Variants in CHD9 observed in about 807,000 individuals in gnomAD.
CHD9 encodes ATP-dependent chromatin remodeler CHD9.
A neutral mutation model predicts 316.1 loss-of-function variants in CHD9; 77 were observed. The ratio of observed to expected loss-of-function variants is 0.24; its 90% CI spans 0.20 to 0.29. The LOEUF (loss-of-function observed/expected upper bound fraction) is 0.29. Ranked by LOEUF, CHD9 falls within the 10% of genes least tolerant of loss-of-function variation. The pLI is 1.00. For synonymous variants in CHD9, 1,129 were observed against 1,158.3 expected (o/e 0.97, Z 0.51); for missense variants, 2,763 against 3,438.1 (o/e 0.80, Z 4.91).
At chr16:53,272,208 C>T (rs1232819315) in intron 22 of CHD9, among the ~76,000 whole-genome samples, 3 of 149,834 alleles carry the variant, frequency 2.0e-5, no homozygotes, top group African/African-American at 7.4e-5. Flanking sequence ...TAACATAGAA[C>T]AAAGTGAATT....
intron 1 of CHD9, 142 bp from the exon 2 acceptor site, chr16:53,155,784 T>C (rs886182317): frequency 1.0e-5 from 3 of 289,462 alleles, no homozygotes; most frequent in Non-Finnish European, 1.9e-5. Context: ...ACTTTTGACA[T>C]TTTATATAAA....
At chr16:53,079,582 A>T (rs969080060) in intron 1 of CHD9, among the ~76,000 whole-genome samples, 1 of 152,088 alleles carries the variant, frequency 6.6e-6, no homozygotes, top group Non-Finnish European at 1.5e-5. Flanking sequence ...ATTATACCTC[A>T]GTTTATGTTA....
chr16:53,142,765 A>G (rs2040221147), intron 1 of CHD9, among the ~76,000 whole-genome samples: 1 of 152,272 alleles, frequency 6.6e-6, no homozygotes, highest in African/African-American at 2.4e-5. Context: ...TTTTCTAATT[A>G]AACAGTCAAA....
chr16:53,248,524 T>G (rs2049855870), intron 16 of CHD9, among the ~76,000 whole-genome samples: 1 of 78,086 alleles, frequency 1.3e-5, no homozygotes, highest in Non-Finnish European at 2.9e-5. Flanking sequence ...GTTTTTTTTT[T>G]TGTTTTTTTT....
chr16:53,286,373 T>C (rs1461872089), intron 26 of CHD9, 30 bp downstream of exon 26: 1 of 1,144,596 alleles, frequency 8.7e-7, no homozygotes, highest in Non-Finnish European at 1.3e-6. Context: ...ATGAATTTTC[T>C]ATATATCTCT....
chr16:53,108,323 G>A (rs1311549448), intron 1 of CHD9, among the ~76,000 whole-genome samples: 1 of 146,340 alleles, frequency 6.8e-6, no homozygotes, highest in Non-Finnish European at 1.5e-5. Context: ...GCAACATGTT[G>A]AAACCCCATC....
In CHD9 at chr16:53,271,296, C is replaced by T. The variant is rs138576366; in HGVS notation, c.4718-2330C>T. Among the ~76,000 whole-genome samples the T allele has an allele frequency of 2.8e-4, 43 of 152,120 alleles. 2 individuals carry two copies. Among genetic ancestry groups the T allele is most frequent in the African/African-American group, 9.6e-4 (40 of 41,542 alleles). ...GAGACAAAAAACCATTGGCTGGGCA[C>T]GGTGGCTCACCCCTGTAATCCCAAC... On this transcript the variant is annotated intron_variant, in intron 22 of 38. Coordinates refer to ENST00000447540, the MANE Select transcript of CHD9 (RefSeq NM_001308319.2).
chr16:53,313,999 A>G (rs1011862359), intron 34 of CHD9, among the ~76,000 whole-genome samples: 3 of 152,076 alleles, frequency 2.0e-5, no homozygotes, highest in African/African-American at 7.2e-5. Flanking sequence ...AGAAAAAGAT[A>G]TTTGGCACAA....
At chr16:53,297,498 T>G (rs1229225470) in intron 30 of CHD9, among the ~76,000 whole-genome samples, 2 of 152,214 alleles carry the variant, frequency 1.3e-5, no homozygotes. Flanking sequence ...GGAATTGTGC[T>G]AGAGGGTTTA....
chr16:53,211,079 G>A (rs774779910), intron 3 of CHD9, among the ~76,000 whole-genome samples: 3 of 151,854 alleles, frequency 2.0e-5, no homozygotes, highest in African/African-American at 7.3e-5. Flanking sequence ...TATAATTAAG[G>A]GTTTCCAGTT....
At chr16:53,115,046 T>C (rs1034936370) in intron 1 of CHD9, among the ~76,000 whole-genome samples, 2 of 152,250 alleles carry the variant, frequency 1.3e-5, no homozygotes, top group African/African-American at 4.8e-5. Flanking sequence ...CCCTTTAGTT[T>C]GAGGTTTTCA....
intron 1 of CHD9, among the ~76,000 whole-genome samples, chr16:53,107,099 T>A (rs978066491): frequency 5.3e-5 from 8 of 152,112 alleles, no homozygotes; most frequent in African/African-American, 1.9e-4. Context: ...ATTGATAAAA[T>A]TTTCAACAGC....
Position 53,306,365 on chromosome 16 carries a change from G to C in CHD9, c.6748G>C (p.Gly2250Arg). 6.2e-7 allele frequency: 1 copy of C among 1,600,674 alleles called. No individual in the cohort carries two copies. Among genetic ancestry groups the C allele is most frequent in the Non-Finnish European group, 8.5e-7 (1 of 1,175,338 alleles). Residue 2250 changes from glycine to arginine, a missense_variant, in exon 32 of 39, where the codon GGA (glycine) becomes CGA (arginine). By Grantham distance (125) the Gly-to-Arg change is moderately radical (BLOSUM62 -2). Coordinates refer to ENST00000447540, the MANE Select transcript of CHD9 (RefSeq NM_001308319.2). ...TPESAYILQG[G>R]YMLAASYWPK... The stretch of plus-strand genomic sequence containing the variant: ...AGAGTCTGCTTATATCTTACAAGGT[G>C]GATATATGCTGGCAGCCTCGTATTG...
intron 24 of CHD9, among the ~76,000 whole-genome samples, chr16:53,279,763 C>G (rs2153029742): frequency 6.6e-6 from 1 of 152,170 alleles, no homozygotes; most frequent in African/African-American, 2.4e-5. Flanking sequence ...AAAAAATCTT[C>G]ATAATCTGTA....
intron 34 of CHD9, among the ~76,000 whole-genome samples, chr16:53,309,884 G>A (rs2056317989): frequency 6.6e-6 from 1 of 152,182 alleles, no homozygotes; most frequent in South Asian, 2.1e-4. Flanking sequence ...GATTAACTGA[G>A]TCTTAATGCG....
intron 31 of CHD9, 21 bp from the exon 32 acceptor site, chr16:53,306,216 G>A (rs771443485): frequency 2.1e-6 from 3 of 1,412,086 alleles, no homozygotes; most frequent in African/African-American, 3.0e-5. Flanking sequence ...TTTAAAAAAT[G>A]ATTATAATTG....
At chr16:53,247,237 A>G (rs2049715313) in intron 15 of CHD9, 56 bp from the exon 16 acceptor site, 1 of 1,251,002 alleles carries the variant, frequency 8.0e-7, no homozygotes, top group South Asian at 1.3e-5. Flanking sequence ...AAGGAAAGCA[A>G]TTGGGAATTT....
chr16:53,131,783 G>T (rs376741582), intron 1 of CHD9, among the ~76,000 whole-genome samples: 1 of 152,142 alleles, frequency 6.6e-6, no homozygotes, highest in African/African-American at 2.4e-5. Context: ...CGACGTCCCG[G>T]AGCACGGGAC....
intron 2 of CHD9, among the ~76,000 whole-genome samples, chr16:53,199,191 A>G (rs2045223225): frequency 6.6e-6 from 1 of 152,126 alleles, no homozygotes; most frequent in Non-Finnish European, 1.5e-5. Context: ...GAAAACTGTT[A>G]CAGTCATAGT....
Sources: gnomAD v4.1 joint callset for allele counts (sites outside exome capture counted in the v4.1 genomes callset) on GRCh38, gnomAD v4.1.1 for gene constraint, MANE v1.5 for transcripts, NCBI Gene and HGNC (gene_info 2026-07-23, HGNC 2026-07-21) for gene names.